The following SORT1 variants were observed in gnomAD, a reference collection of about 807,000 sequenced individuals.
SORT1 encodes sortilin.
Under a neutral mutation model 101.7 loss-of-function variants are expected in SORT1, and 39 were observed. That is an observed-to-expected ratio of 0.38 (90% CI 0.30 to 0.50). The LOEUF is 0.50. Among genes scored for constraint, SORT1 ranks in the 20% least tolerant of loss-of-function variants. The pLI, the probability that SORT1 is intolerant of heterozygous loss-of-function variation, is 0.90. For synonymous variants in SORT1, 396 were observed against 393.7 expected (o/e 1.01, Z -0.07); for missense variants, 878 against 1,040.4 (o/e 0.84, Z 2.15).
chr1:109,312,357 C>G lies in SORT1; in HGVS notation c.*1686G>C, dbSNP rs1658775583. On this transcript the variant is annotated 3_prime_UTR_variant, in exon 20 of 20. Coordinates refer to ENST00000256637, the MANE Select transcript of SORT1 (RefSeq NM_002959.7). ...CCTCAACTTTATTTTCTAACTGAAG[C>G]TCCCTGACTCATTTCATTCTACTGC... 1 of 152,582 alleles carries G rather than the reference C, an allele frequency of 6.6e-6. No homozygotes were observed. The highest frequency in any genetic ancestry group is 2.1e-4 in the South Asian group (1 of 4,818). The allele number at this position is 152,582 out of a possible 1,614,324, so 9.5% of individuals were successfully genotyped here.
intron 1 of SORT1, among the ~76,000 whole-genome samples, chr1:109,396,066 A>G (rs781736979): frequency 2.6e-5 from 4 of 152,128 alleles, no homozygotes; most frequent in Admixed American, 2.6e-4. Context: ...CCTGGGCAAC[A>G]GAGTGAGACC....
Position 109,396,773 on chromosome 1 carries a change from A to C in SORT1, c.306+814T>G, listed in dbSNP as rs541358685. On this transcript the variant is annotated intron_variant, in intron 1 of 19. Coordinates refer to ENST00000256637, the MANE Select transcript of SORT1 (RefSeq NM_002959.7). The stretch of plus-strand genomic sequence containing the variant: ...AATACATTATGCAAATGTGGCTAGC[A>C]AGGATTAAATTGTTAATTTTAGAGA... 2.0e-5 allele frequency among the ~76,000 whole-genome samples: 3 copies of C among 152,240 alleles called. No homozygotes were observed. In the South Asian group the frequency reaches 6.2e-4, roughly 31 times the overall value.
At chr1:109,356,791 T>C (rs1265758518) in intron 3 of SORT1, among the ~76,000 whole-genome samples, 1 of 152,246 alleles carries the variant, frequency 6.6e-6, no homozygotes, top group Non-Finnish European at 1.5e-5. Flanking sequence ...TTCGAATCCA[T>C]GTTTAGATTC....
At chr1:109,354,261 T>G in intron 5 of SORT1, 106 bp downstream of exon 5, 1 of 824,098 alleles carries the variant, frequency 1.2e-6, no homozygotes, top group Non-Finnish European at 1.8e-6. Flanking sequence ...TAAGGAGACT[T>G]GAAAGAAGTC....
chr1:109,377,484 G>A (rs1348665656), intron 1 of SORT1, among the ~76,000 whole-genome samples: 3 of 152,068 alleles, frequency 2.0e-5, no homozygotes, highest in Admixed American at 1.3e-4. Flanking sequence ...GCTGAATAGC[G>A]TTTATTCCTA....
intron 15 of SORT1, among the ~76,000 whole-genome samples, chr1:109,321,522 T>C (rs534674760): frequency 1.3e-5 from 2 of 152,272 alleles, no homozygotes; most frequent in African/African-American, 4.8e-5. Flanking sequence ...CCTCCAGCCC[T>C]ACTGGAACAC....
intron 5 of SORT1, among the ~76,000 whole-genome samples, chr1:109,351,854 A>G (rs1320542801): frequency 6.6e-6 from 1 of 152,216 alleles, no homozygotes; most frequent in Non-Finnish European, 1.5e-5. Context: ...TAGTTCGGTA[A>G]GAGCTAATGA....
Position 109,397,865 on chromosome 1 carries a change from C to G in SORT1, c.28G>C (p.Gly10Arg). The G allele has an allele frequency of 1.6e-6, 2 of 1,274,250 alleles. No homozygotes were observed. Among genetic ancestry groups the G allele is most frequent in the Non-Finnish European group, 2.0e-6 (2 of 1,000,080 alleles). 78.9% of individuals were successfully genotyped at this position (1,274,250 alleles called of 1,614,324 possible). MERPWGAADGLSRWPHGLGL... is the reference protein window; with the variant it reads MERPWGAADRLSRWPHGLGL... ...AGGCCATGGGGCCAGCGCGAGAGGC[C>G]GTCCGCAGCTCCCCAGGGCCGCTCC... Residue 10 changes from glycine (G) to arginine (R), a missense_variant, in exon 1 of 20, where the codon GGC becomes CGC. This residue lies in a region of SORT1 where 194 missense variants were observed against 145.9 expected (regional missense o/e 1.33). Transcript: ENST00000256637.
At chr1:109,342,667 C>T (rs923212716) in intron 8 of SORT1, among the ~76,000 whole-genome samples, 4 of 152,068 alleles carry the variant, frequency 2.6e-5, no homozygotes, top group African/African-American at 4.8e-5. Context: ...AGATGTAACA[C>T]GCCTTCTCTC....
intron 15 of SORT1, among the ~76,000 whole-genome samples, chr1:109,318,392 C>T (rs763469303): frequency 1.2e-4 from 18 of 152,122 alleles, no homozygotes; most frequent in Non-Finnish European, 1.3e-4. Context: ...CCTTGTGATA[C>T]GCCCACCTCG....
chr1:109,376,130 C>G (rs1045375312), intron 1 of SORT1, among the ~76,000 whole-genome samples: 1 of 151,990 alleles, frequency 6.6e-6, no homozygotes, highest in Non-Finnish European at 1.5e-5. Context: ...ATCACGAGGT[C>G]AGGAGATCGA....
chr1:109,355,557 C>T, intron 3 of SORT1, 88 bp from the exon 4 acceptor site: 1 of 682,362 alleles, frequency 1.5e-6, no homozygotes, highest in Admixed American at 2.1e-5. Context: ...TCCCTTTCCA[C>T]CAATCATGCT....
intron 3 of SORT1, among the ~76,000 whole-genome samples, chr1:109,360,495 A>AT (rs774193343): frequency 0.016 from 2,152 of 132,168 alleles, 21 homozygotes; most frequent in South Asian, 0.029. Context: ...ACCACACTCA[A>AT]TTTTTTTTTT....
At chr1:109,348,654 T>A (rs1417923402) in intron 6 of SORT1, among the ~76,000 whole-genome samples, 1 of 151,864 alleles carries the variant, frequency 6.6e-6, no homozygotes, top group African/African-American at 2.4e-5. Flanking sequence ...ATGCTTGGCT[T>A]TTTTTTTCAT....
chr1:109,343,412 G>A (rs917856249), intron 8 of SORT1, among the ~76,000 whole-genome samples: 2 of 151,966 alleles, frequency 1.3e-5, no homozygotes, highest in African/African-American at 2.4e-5. Context: ...TCTTCCTCCC[G>A]GATCCCTCCC....
rs895188357 is a variant in SORT1, at chr1:109,354,426, G to A, written c.649C>T (p.Leu217Phe). Residue 217 changes from leucine (L) to phenylalanine (F), a missense_variant, in exon 5 of 20, where the codon CTC (leucine) becomes TTC (phenylalanine). By Grantham distance (22) the Leu-to-Phe change is conservative. Transcript: ENST00000256637. ...FVQTDLPFHP[L>F]TQMMYSPQNS... is the part of the protein sequence containing the mutation. ...TGAGGGCTATACATCATCTGAGTGA[G>A]AGGATGAAAAGGGAGATCTGTTTGC... 6 of 1,613,520 alleles carry A rather than the reference G, an allele frequency of 3.7e-6. No individual in the cohort carries two copies. Among genetic ancestry groups the A allele is most frequent in the Non-Finnish European group, 5.1e-6 (6 of 1,179,476 alleles).
chr1:109,354,647 A>T, intron 4 of SORT1, 116 bp from the exon 5 acceptor site: 2 of 772,382 alleles, frequency 2.6e-6, no homozygotes, highest in Non-Finnish European at 4.2e-6. Flanking sequence ...AGAAATAAGA[A>T]GAGTTATAAA....
At chr1:109,378,792 T>A (rs1442418880) in intron 1 of SORT1, among the ~76,000 whole-genome samples, 1 of 129,960 alleles carries the variant, frequency 7.7e-6, no homozygotes, top group Non-Finnish European at 1.6e-5. Flanking sequence ...GTATAAATGA[T>A]AATTCAAATG....
At chr1:109,357,634 G>T (rs1478818202) in intron 3 of SORT1, among the ~76,000 whole-genome samples, 3 of 152,160 alleles carry the variant, frequency 2.0e-5, no homozygotes, top group South Asian at 4.1e-4. Flanking sequence ...CTTATGACCT[G>T]GCAGAAGAGA....
Sources: gnomAD v4.1 joint callset for allele counts (sites outside exome capture counted in the v4.1 genomes callset) on GRCh38, gnomAD v4.1.1 for gene constraint, gnomAD v4.1.1 regional missense constraint, MANE v1.5 for transcripts, NCBI Gene and HGNC (gene_info 2026-07-23, HGNC 2026-07-21) for gene names.